Variants in SLC16A4 observed in about 807,000 individuals in gnomAD.
SLC16A4 encodes the protein probable monocarboxylate transporter 5.
A neutral mutation model predicts 47.9 loss-of-function variants in SLC16A4; 39 were observed. The ratio of observed to expected loss-of-function variants is 0.81; its 90% CI spans 0.63 to 1.06. The LOEUF (loss-of-function observed/expected upper bound fraction) is 1.06. Among genes scored for constraint, SLC16A4 ranks in the 50% least tolerant of loss-of-function variants. The pLI, the probability that SLC16A4 is intolerant of heterozygous loss-of-function variation, is 0.00. For synonymous variants in SLC16A4, 189 were observed against 199.9 expected (o/e 0.95, Z 0.46); for missense variants, 524 against 573.8 (o/e 0.91, Z 0.89).
intron 8 of SLC16A4, chr1:110,372,501 A>T (rs1661738108): frequency 6.6e-6 from 1 of 152,258 alleles, no homozygotes; most frequent in Non-Finnish European, 1.5e-5. Context: ...TCTGTACATC[A>T]ACATTTCTGA....
intron 2 of SLC16A4, among the ~76,000 whole-genome samples, chr1:110,385,065 C>T (rs187542019): frequency 1.5e-4 from 23 of 152,184 alleles, no homozygotes; most frequent in Admixed American, 4.6e-4. Context: ...TCATTAATTC[C>T]ACTTTCTCGG....
chr1:110,379,425 C>A, intron 5 of SLC16A4, 69 bp from the exon 6 acceptor site: 1 of 1,430,958 alleles, frequency 7.0e-7, no homozygotes, highest in Admixed American at 2.2e-5. Context: ...TGTTCATAGG[C>A]TCAGAAGAGG....
At chr1:110,374,129 C>T (rs1661844999) in intron 8 of SLC16A4, among the ~76,000 whole-genome samples, 1 of 150,500 alleles carries the variant, frequency 6.6e-6, no homozygotes, top group Non-Finnish European at 1.5e-5. Flanking sequence ...AACCTCTGTC[C>T]CCCGGGTTCA....
chr1:110,379,562 A>T (rs1249512149), intron 5 of SLC16A4, among the ~76,000 whole-genome samples: 1 of 151,926 alleles, frequency 6.6e-6, no homozygotes, highest in Non-Finnish European at 1.5e-5. Flanking sequence ...AGAAAGCTGC[A>T]CCAATAGATG....
intron 5 of SLC16A4, chr1:110,379,693 T>C (rs1226551685): frequency 1.0e-5 from 2 of 190,612 alleles, no homozygotes; most frequent in Non-Finnish European, 2.2e-5. Flanking sequence ...TATCCTGAAG[T>C]GAGAGTACAG....
In SLC16A4 at chr1:110,382,931, A is replaced by C; in HGVS notation, c.123T>G (p.Phe41Leu). The change falls in exon 3 of 9, where the codon TTT becomes TTG. Residue 41 changes from phenylalanine to leucine, a missense_variant. Transcript: ENST00000369779. ...CTTGAAAGACCACAAAGAAAATTGC[A>C]AAAGTCTTGGTCATCCCCATCACAA... The part of the protein sequence containing the change: ...NVFVMGMTKT[F>L]AIFFVVFQEE... 6.2e-7 allele frequency: 1 copy of C among 1,612,550 alleles called. No homozygotes were observed. The highest frequency in any genetic ancestry group is 8.5e-7 in the Non-Finnish European group (1 of 1,178,942).
At position 110,363,529 on chromosome 1, in the gene SLC16A4, G is replaced by A. The variant is rs1661193860; in HGVS notation, c.*237C>T. The A allele has an allele frequency of 4.0e-6, 1 of 249,190 alleles. No individual in the cohort carries two copies. Among genetic ancestry groups the A allele is most frequent in the Non-Finnish European group, 7.6e-6 (1 of 130,748 alleles). The allele number at this position is 249,190 out of a possible 1,614,324, so 15.4% of individuals were successfully genotyped here. A position where few individuals can be genotyped will look rare whatever the true frequency, so the allele number is the denominator to read the frequency against. ...TAGTCCCAGCTACTTGGGAGGCTGA[G>A]GCAGGAGAATCCCTTGAACCCAGGA... On this transcript the variant is annotated 3_prime_UTR_variant, in exon 9 of 9. Coordinates refer to ENST00000369779, the MANE Select transcript of SLC16A4 (RefSeq NM_004696.3).
Position 110,379,297 on chromosome 1 carries a change from T to C in SLC16A4, c.586A>G (p.Arg196Gly), listed in dbSNP as rs1662216773. The C allele has an allele frequency of 6.2e-7, 1 of 1,613,324 alleles. No individual in the cohort carries two copies. Among genetic ancestry groups the C allele is most frequent in the South Asian group, 1.1e-5 (1 of 91,078 alleles). ...TTCTCACTTTTGATATGGATGGGTC[T>C]TAAGAGCATACTAGAAGGCACCAAA... ...LNLVPSSMLL[R>G]PIHIKSENNS... The change falls in exon 6 of 9, where the codon AGA becomes GGA. Residue 196 changes from arginine (R) to glycine (G), a missense_variant. Transcript: ENST00000369779.
At chr1:110,368,451 G>A (rs958419345) in intron 8 of SLC16A4, among the ~76,000 whole-genome samples, 6 of 152,166 alleles carry the variant, frequency 3.9e-5, no homozygotes, top group African/African-American at 1.4e-4. Context: ...GGCTACCTGC[G>A]TCAGATTTAC....
intron 4 of SLC16A4, 62 bp from the exon 5 acceptor site, chr1:110,381,205 G>T (rs755633093): frequency 4.7e-5 from 70 of 1,491,200 alleles, no homozygotes; most frequent in Middle Eastern, 3.5e-4. Flanking sequence ...TAACAGAAAA[G>T]ATAATCTCCT....
Position 110,378,891 on chromosome 1 carries a change from A to G in SLC16A4, c.992T>C (p.Ile331Thr), listed in dbSNP as rs749016973. The change falls in exon 6 of 9, where the codon ATT becomes ACT. Residue 331 changes from isoleucine (I) to threonine (T), a missense_variant. Physicochemically the swap from Ile to Thr is moderately conservative, Grantham distance 89. Transcript: ENST00000369779. Reference protein sequence around the residue: ...HLVARAKTLGIDIMDASYLVS... With the variant: ...HLVARAKTLGTDIMDASYLVS... ...AAGGTAAGAGGCATCCATGATGTCA[A>G]TCCCCAGTGTTTTGGCTCTGGCTAC... 4.3e-6 allele frequency: 7 copies of G among 1,613,916 alleles called. No homozygotes were observed. In the Admixed American group the frequency reaches 5.0e-5, roughly 12 times the overall value.
intron 3 of SLC16A4, among the ~76,000 whole-genome samples, chr1:110,382,205 A>G (rs555254712): frequency 6.6e-6 from 1 of 152,330 alleles, no homozygotes; most frequent in South Asian, 2.1e-4. Context: ...TGGCTCTTTA[A>G]TCCCATACTT....
At chr1:110,374,232 G>C (rs893683521) in intron 8 of SLC16A4, among the ~76,000 whole-genome samples, 9 of 150,700 alleles carry the variant, frequency 6.0e-5, no homozygotes, top group African/African-American at 2.0e-4. Context: ...GTAGAGACCG[G>C]GTTTCACCAT....
At position 110,380,058 on chromosome 1, in the gene SLC16A4, C is replaced by CAAAAAAAAAAAAAAAAAA. The variant is rs542273389; in HGVS notation, c.527-703_527-702insTTTTTTTTTTTTTTTTTT. Among the ~76,000 whole-genome samples the CAAAAAAAAAAAAAAAAAA allele has an allele frequency of 2.6e-3, 250 of 96,176 alleles. 11 individuals are homozygous for CAAAAAAAAAAAAAAAAAA. The highest frequency in any genetic ancestry group is 0.01 in the African/African-American group (230 of 22,730). 63.1% of individuals were successfully genotyped at this position (96,176 alleles called of 152,430 possible). A position where few individuals can be genotyped will look rare whatever the true frequency, so the allele number is the denominator to read the frequency against. ...AATGACAAAGCGAGAGAGCCTGTCT[C>CAAAAAAAAAAAAAAAAAA]AAAAAAAAAAAAAAAGCAGCGGGAG... On this transcript the variant is annotated intron_variant, in intron 5 of 8. Transcript: ENST00000369779.
intron 1 of SLC16A4, 104 bp downstream of exon 1, chr1:110,390,761 T>C (rs928880599): frequency 2.0e-5 from 3 of 152,214 alleles, no homozygotes; most frequent in African/African-American, 4.8e-5. Context: ...GAAAGTCAGC[T>C]GGCAGGGTAT....
At chr1:110,383,640 C>T (rs893401735) in intron 2 of SLC16A4, among the ~76,000 whole-genome samples, 2 of 152,040 alleles carry the variant, frequency 1.3e-5, no homozygotes, top group African/African-American at 4.8e-5. Flanking sequence ...TGATGTTATC[C>T]CCCGAGCAAT....
chr1:110,372,945 ATAGG>A (rs1437384807), intron 8 of SLC16A4: 1 of 152,062 alleles, frequency 6.6e-6, no homozygotes, highest in Admixed American at 6.6e-5. Flanking sequence ...TTTACATTAC[ATAGG>A]TGTGTGTGTG....
At chr1:110,368,744 TAA>T (rs1168211962) in intron 8 of SLC16A4, among the ~76,000 whole-genome samples, 3 of 152,290 alleles carry the variant, frequency 2.0e-5, no homozygotes, top group Non-Finnish European at 1.5e-5. Context: ...TACAGTCAGT[TAA>T]AAAGGAATAA....
At chr1:110,371,064 T>A (rs962394375) in intron 8 of SLC16A4, 32 of 152,350 alleles carry the variant, frequency 2.1e-4, no homozygotes, top group African/African-American at 7.2e-4. Flanking sequence ...GTAACTTTTA[T>A]CTTCTGTGTG....
Sources: gnomAD v4.1 joint callset for allele counts (sites outside exome capture counted in the v4.1 genomes callset) on GRCh38, gnomAD v4.1.1 for gene constraint, MANE v1.5 for transcripts, NCBI Gene and HGNC (gene_info 2026-07-23, HGNC 2026-07-21) for gene names.